CYFIP1: variants seen among roughly 807,000 people sequenced by gnomAD.
CYFIP1 encodes cytoplasmic FMR1-interacting protein 1.
In CYFIP1, 58 loss-of-function variants were observed where a neutral mutation model predicts 163.5. The ratio of observed to expected loss-of-function variants is 0.35; its 90% CI spans 0.29 to 0.44. The LOEUF is 0.44. Among genes scored for constraint, CYFIP1 ranks in the 20% least tolerant of loss-of-function variants. The pLI, the probability that CYFIP1 is intolerant of heterozygous loss-of-function variation, is 1.00. For synonymous variants in CYFIP1, 663 were observed against 660.7 expected (o/e 1.00, Z -0.05); for missense variants, 1,338 against 1,653.8 (o/e 0.81, Z 3.31).
Position 22,945,074 on chromosome 15 carries a change from C to T in CYFIP1, c.208-135G>A, listed in dbSNP as rs193088822. 264 of 858,598 alleles carry T rather than the reference C, an allele frequency of 3.1e-4. No homozygotes were observed. The African/African-American group carries it at 4.1e-3, about 13-fold the overall frequency. The allele number at this position is 858,598 out of a possible 1,614,324, so 53.2% of individuals were successfully genotyped here. A position where few individuals can be genotyped will look rare whatever the true frequency, so the allele number is the denominator to read the frequency against. On this transcript the variant is annotated intron_variant, in intron 3 of 30. Transcript: ENST00000617928. ...GGCCTGTGTGCCAAGAGACGGCTGC[C>T]AGAAGCTAGTGACACTGAGGTGCGG...
At position 22,869,032 on chromosome 15, in the gene CYFIP1, C is replaced by CGAT. The variant is rs1426253201; in HGVS notation, c.*993_*995dup. ...TCGTGACTCTACTGGTAGTCTAGAC[C>CGAT]GATTGTTTTTCATTCTGACAGATCA... On this transcript the variant is annotated 3_prime_UTR_variant, in exon 31 of 31. Transcript: ENST00000617928. 6.6e-6 allele frequency: 1 copy of CGAT among 152,078 alleles called. No individual in the cohort carries two copies. Among genetic ancestry groups the CGAT allele is most frequent in the Non-Finnish European group, 1.5e-5 (1 of 68,006 alleles). 9.4% of individuals were successfully genotyped at this position (152,078 alleles called of 1,614,324 possible).
At chr15:22,956,301 G>T (rs1277965004) in intron 1 of CYFIP1, among the ~76,000 whole-genome samples, 1 of 152,112 alleles carries the variant, frequency 6.6e-6, no homozygotes, top group Non-Finnish European at 1.5e-5. Flanking sequence ...CTCGTGCTCA[G>T]CAGGCAGCTC....
chr15:22,944,445 C>A, intron 5 of CYFIP1, 113 bp downstream of exon 5: 1 of 713,360 alleles, frequency 1.4e-6, no homozygotes, highest in Non-Finnish European at 2.4e-6. Context: ...AAACTGGTTG[C>A]TTTAATTTGC....
At chr15:22,905,132 A>G (rs568604380) in intron 21 of CYFIP1, 1 of 152,290 alleles carries the variant, frequency 6.6e-6, no homozygotes, top group South Asian at 2.1e-4. Context: ...TCACCTGGAA[A>G]GTCCAAAACT....
chr15:22,933,123 C>A (rs569891307), intron 10 of CYFIP1, among the ~76,000 whole-genome samples: 7 of 151,876 alleles, frequency 4.6e-5, no homozygotes, highest in Non-Finnish European at 8.8e-5. Flanking sequence ...CATGAGCCAC[C>A]GCGCCCCACC....
chr15:22,964,550 C>A (rs530690710), intron 1 of CYFIP1, among the ~76,000 whole-genome samples: 1 of 152,252 alleles, frequency 6.6e-6, no homozygotes, highest in African/African-American at 2.4e-5. Flanking sequence ...CCCGGCAGCT[C>A]CCCGGGGAGT....
At position 22,867,133 on chromosome 15, in the gene CYFIP1, T is replaced by TAAG. The variant is rs1555390935; in HGVS notation, c.*2892_*2894dup. The TAAG allele has an allele frequency of 4.3e-6, 2 of 466,004 alleles. No individual in the cohort carries two copies. Among genetic ancestry groups the TAAG allele is most frequent in the Admixed American group, 3.8e-5 (1 of 26,238 alleles). 28.9% of individuals were successfully genotyped at this position (466,004 alleles called of 1,614,324 possible). A position where few individuals can be genotyped will look rare whatever the true frequency, so the allele number is the denominator to read the frequency against. On this transcript the variant is annotated 3_prime_UTR_variant, in exon 31 of 31. Transcript: ENST00000617928. ...AAGCCGAATGCACTAATGACAGTTT[T>TAAG]AAGTCTATGAAAATGCTTTATTTTT...
rs776055877 is a variant in CYFIP1, at chr15:22,917,423, G to A, written c.1674+365C>T. On this transcript the variant is annotated intron_variant, in intron 15 of 30. Coordinates refer to ENST00000617928, the MANE Select transcript of CYFIP1 (RefSeq NM_014608.6). The surrounding 1 kb of genome is among the most constrained non-coding windows in gnomAD (Gnocchi z 4.2). ...CAAGCAGCACCTCACAGTTTCCCACGCCCCATCTACAGTCATTTGCAGACC... is the reference window on the plus strand; with the variant it reads ...CAAGCAGCACCTCACAGTTTCCCACACCCCATCTACAGTCATTTGCAGACC... 16 of 629,250 alleles carry A rather than the reference G, an allele frequency of 2.5e-5. No individual in the cohort carries two copies. Among genetic ancestry groups the A allele is most frequent in the African/African-American group, 1.1e-4 (6 of 52,518 alleles). The allele number at this position is 629,250 out of a possible 1,614,324, so 39.0% of individuals were successfully genotyped here.
chr15:22,942,522 C>T (rs2061923477), intron 6 of CYFIP1, among the ~76,000 whole-genome samples: 3 of 152,188 alleles, frequency 2.0e-5, no homozygotes, highest in South Asian at 2.1e-4. Context: ...AAATGCCCAT[C>T]GGCCACCCAC....
chr15:22,905,764 T>TG (rs2060555659), intron 21 of CYFIP1, among the ~76,000 whole-genome samples: 1 of 151,340 alleles, frequency 6.6e-6, no homozygotes. Context: ...TGTTTTTTTT[T>TG]TTGTTTTTGT....
Position 22,867,820 on chromosome 15 carries a change from C to T in CYFIP1, c.*2208G>A, listed in dbSNP as rs1386095043. On this transcript the variant is annotated 3_prime_UTR_variant, in exon 31 of 31. Coordinates refer to ENST00000617928, the MANE Select transcript of CYFIP1 (RefSeq NM_014608.6). ...TACTTTGCTTAAGAGCTCCTTTGGG[C>T]CACTACATATTTTGGTTTCTAGAAA... The T allele has an allele frequency of 1.3e-5, 2 of 150,792 alleles. No individual in the cohort carries two copies. The highest frequency in any genetic ancestry group is 3.0e-5 in the Non-Finnish European group (2 of 67,740). The allele number at this position is 150,792 out of a possible 1,614,324, so 9.3% of individuals were successfully genotyped here. A position where few individuals can be genotyped will look rare whatever the true frequency, so the allele number is the denominator to read the frequency against.
chr15:22,918,129 G>A (rs567787499), intron 14 of CYFIP1, among the ~76,000 whole-genome samples, 194 bp from the exon 15 acceptor site: 53 of 152,304 alleles, frequency 3.5e-4, no homozygotes, highest in Non-Finnish European at 6.8e-4. Flanking sequence ...GCCTTCTGGA[G>A]AGTATTACTA....
intron 12 of CYFIP1, 87 bp downstream of exon 12, chr15:22,927,819 G>C: frequency 7.2e-7 from 1 of 1,381,642 alleles, no homozygotes; most frequent in Non-Finnish European, 9.6e-7. Flanking sequence ...TAGGGCCAAA[G>C]ATAAAAAGCC....
At chr15:22,926,382 A>G (rs990064474) in intron 12 of CYFIP1, among the ~76,000 whole-genome samples, 1 of 152,192 alleles carries the variant, frequency 6.6e-6, no homozygotes, top group African/African-American at 2.4e-5. Flanking sequence ...CATTTTAAAA[A>G]GGATTCTGGG....
intron 3 of CYFIP1, 62 bp downstream of exon 3, chr15:22,946,941 A>T: frequency 2.2e-6 from 3 of 1,390,498 alleles, no homozygotes; most frequent in East Asian, 2.3e-5. Flanking sequence ...CAAAAAGTAT[A>T]CATCTGTCCT....
At chr15:22,961,087 T>C (rs1277002426) in intron 1 of CYFIP1, among the ~76,000 whole-genome samples, 4 of 151,962 alleles carry the variant, frequency 2.6e-5, no homozygotes, top group Non-Finnish European at 5.9e-5. Context: ...AGTGGCATGA[T>C]CTCGACTCAC....
chr15:22,957,327 C>G (rs8034468), intron 1 of CYFIP1, among the ~76,000 whole-genome samples: 35,106 of 151,646 alleles, frequency 0.23, 4,569 homozygotes, highest in Middle Eastern at 0.34. Flanking sequence ...ACGGTGAAAC[C>G]TCATCTCTAC....
At chr15:22,883,073 G>C in intron 23 of CYFIP1, 62 bp from the exon 24 acceptor site, 4 of 1,570,002 alleles carry the variant, frequency 2.5e-6, no homozygotes, top group Non-Finnish European at 3.5e-6. Flanking sequence ...ATGAAGAACT[G>C]TGTGAGAAGA....
At chr15:22,899,964 C>T (rs916038660) in intron 22 of CYFIP1, among the ~76,000 whole-genome samples, 3 of 152,108 alleles carry the variant, frequency 2.0e-5, no homozygotes, top group African/African-American at 7.2e-5. Flanking sequence ...AGGAGAATCG[C>T]TTGAACCTAC....
Sources: gnomAD v4.1 joint callset for allele counts (sites outside exome capture counted in the v4.1 genomes callset) on GRCh38, gnomAD v4.1.1 for gene constraint, Gnocchi (gnomAD v3.1) non-coding constraint, MANE v1.5 for transcripts, NCBI Gene and HGNC (gene_info 2026-07-23, HGNC 2026-07-21) for gene names.